PCDHA10: variants seen among roughly 807,000 people sequenced by gnomAD.
PCDHA10 encodes the protein protocadherin alpha-10.
In PCDHA10, 45 loss-of-function variants were observed where a neutral mutation model predicts 61.2. The ratio of observed to expected loss-of-function variants is 0.74; its 90% CI spans 0.58 to 0.94. The LOEUF (loss-of-function observed/expected upper bound fraction) is 0.94. Among genes scored for constraint, PCDHA10 ranks in the 40% least tolerant of loss-of-function variants. The pLI is 0.00. For synonymous variants in PCDHA10, 602 were observed against 548.8 expected (o/e 1.10, Z -1.35); for missense variants, 1,278 against 1,236.2 (o/e 1.03, Z -0.51).
At chr5:140,907,092 G>C (rs1381969899) in intron 1 of PCDHA10, among the ~76,000 whole-genome samples, 4 of 152,262 alleles carry the variant, frequency 2.6e-5, no homozygotes, top group African/African-American at 9.6e-5. Context: ...GGTAAGTGGT[G>C]CCACTTCCAC....
chr5:140,981,625 C>T (rs1554243036), intron 2 of PCDHA10, among the ~76,000 whole-genome samples: 2 of 152,096 alleles, frequency 1.3e-5, no homozygotes, highest in Non-Finnish European at 2.9e-5. Context: ...TGAGGGTTTT[C>T]TTGGACATTT....
chr5:140,892,813 T>C (rs1335475161), intron 1 of PCDHA10, among the ~76,000 whole-genome samples: 1 of 152,228 alleles, frequency 6.6e-6, no homozygotes, highest in Non-Finnish European at 1.5e-5. Context: ...ACCATATTTA[T>C]CCTACAGTGC....
intron 3 of PCDHA10, among the ~76,000 whole-genome samples, chr5:140,993,307 A>G (rs1388803376): frequency 6.6e-6 from 1 of 152,056 alleles, no homozygotes; most frequent in Non-Finnish European, 1.5e-5. Flanking sequence ...TGCCTCCAGG[A>G]TAATACCTTC....
At chr5:140,862,923 C>T in intron 1 of PCDHA10, 1 of 546,076 alleles carries the variant, frequency 1.8e-6, no homozygotes, top group South Asian at 1.4e-5. Flanking sequence ...CTTGGGTGGG[C>T]TGGCGGCGCT....
intron 1 of PCDHA10, chr5:140,867,873 G>A (rs1554161583): frequency 6.6e-6 from 1 of 152,056 alleles, no homozygotes; most frequent in East Asian, 1.9e-4. Flanking sequence ...AATTTTCTAT[G>A]TTTTAAGCAC....
intron 1 of PCDHA10, chr5:140,882,650 G>A (rs782695823): frequency 8.1e-6 from 13 of 1,614,212 alleles, no homozygotes; most frequent in Non-Finnish European, 8.5e-6. Context: ...GGACATTAAC[G>A]ACAACCCGCC....
chr5:141,000,399 A>C (rs77386673), intron 3 of PCDHA10, among the ~76,000 whole-genome samples: 2,158 of 66,344 alleles, frequency 0.033, 38 homozygotes, highest in Non-Finnish European at 0.044. Context: ...CTCTCTCTAT[A>C]TATATATATA....
At chr5:141,008,557 T>G (rs1394611167) in intron 3 of PCDHA10, among the ~76,000 whole-genome samples, 3 of 152,218 alleles carry the variant, frequency 2.0e-5, no homozygotes, top group African/African-American at 7.2e-5. Flanking sequence ...CTCCTGTGGA[T>G]GCATAATCAT....
intron 1 of PCDHA10, chr5:140,967,899 C>G: frequency 6.2e-7 from 1 of 1,614,180 alleles, no homozygotes; most frequent in African/African-American, 1.3e-5. Flanking sequence ...CCTGAGAATG[C>G]TACACCCAAC....
At chr5:140,990,662 T>C (rs1554251660) in intron 3 of PCDHA10, among the ~76,000 whole-genome samples, 1 of 152,182 alleles carries the variant, frequency 6.6e-6, no homozygotes, top group African/African-American at 2.4e-5. Context: ...ATGATTTACA[T>C]TAGATGCACA....
At position 140,857,243 on chromosome 5, in the gene PCDHA10, A is replaced by G. The variant is rs2044443964; in HGVS notation, c.1195A>G (p.Thr399Ala). ...TPHVPFKLVSTYKNYYSLVLD... is the reference protein window; with the variant it reads ...TPHVPFKLVSAYKNYYSLVLD... ...TCACGTTCCGTTCAAGCTGGTGTCC[A>G]CCTACAAGAATTACTACTCATTGGT... The change falls in exon 1 of 4, where the codon ACC becomes GCC. Residue 399 changes from threonine (T) to alanine (A), a missense_variant. Coordinates refer to ENST00000307360, the MANE Select transcript of PCDHA10 (RefSeq NM_018901.4). 1 of 1,598,366 alleles carries G rather than the reference A, an allele frequency of 6.3e-7. No homozygotes were observed. Among genetic ancestry groups the G allele is most frequent in the African/African-American group, 1.3e-5 (1 of 74,286 alleles).
At chr5:140,865,328 G>C (rs2048826529) in intron 1 of PCDHA10, 2 of 152,116 alleles carry the variant, frequency 1.3e-5, no homozygotes. Flanking sequence ...CTTTAATTCT[G>C]TGTAAAGAAA....
intron 1 of PCDHA10, chr5:140,883,143 C>A (rs782699546): frequency 1.2e-6 from 2 of 1,614,042 alleles, no homozygotes; most frequent in South Asian, 1.1e-5. Context: ...GTGGTATATG[C>A]ATTTACCATA....
chr5:140,871,489 G>A (rs782277615), intron 1 of PCDHA10: 6 of 1,590,138 alleles, frequency 3.8e-6, no homozygotes, highest in Non-Finnish European at 5.1e-6. Flanking sequence ...AAATCACCCC[G>A]GACAGGTGAG....
chr5:140,915,850 C>A (rs2077335554), intron 1 of PCDHA10, among the ~76,000 whole-genome samples: 1 of 152,140 alleles, frequency 6.6e-6, no homozygotes, highest in South Asian at 2.1e-4. Context: ...GGGGTGACAC[C>A]AGCCAAGTTT....
intron 1 of PCDHA10, chr5:140,876,230 A>C: frequency 6.2e-7 from 1 of 1,613,886 alleles, no homozygotes; most frequent in South Asian, 1.1e-5. Flanking sequence ...GTGTTGTCTG[A>C]AAATGTCCAA....
At chr5:141,007,395 C>CAAAAA (rs35800918) in intron 3 of PCDHA10, among the ~76,000 whole-genome samples, 20 of 94,830 alleles carry the variant, frequency 2.1e-4, no homozygotes, top group South Asian at 3.5e-4. Context: ...TACTAAAATA[C>CAAAAA]AAAAAAAAAA....
intron 1 of PCDHA10, among the ~76,000 whole-genome samples, chr5:140,893,927 T>C (rs1251170255): frequency 1.3e-5 from 2 of 152,212 alleles, no homozygotes; most frequent in Non-Finnish European, 2.9e-5. Flanking sequence ...TTTCAGAATC[T>C]CTACCTGTTA....
chr5:140,920,118 T>A (rs1196076867), intron 1 of PCDHA10, among the ~76,000 whole-genome samples: 1 of 152,164 alleles, frequency 6.6e-6, no homozygotes, highest in Non-Finnish European at 1.5e-5. Context: ...CTTGCCAACA[T>A]CTTGAGTTTT....
Sources: gnomAD v4.1 joint callset for allele counts (sites outside exome capture counted in the v4.1 genomes callset) on GRCh38, gnomAD v4.1.1 for gene constraint, MANE v1.5 for transcripts, NCBI Gene and HGNC (gene_info 2026-07-23, HGNC 2026-07-21) for gene names.